Variants in RANBP2 observed in about 807,000 individuals in gnomAD.
RANBP2 encodes E3 SUMO-protein ligase RanBP2.
Under a neutral mutation model 303.6 loss-of-function variants are expected in RANBP2, and 57 were observed. That is an observed-to-expected ratio of 0.19 (90% CI 0.15 to 0.23). The LOEUF (loss-of-function observed/expected upper bound fraction) is 0.23, where lower values mean the gene tolerates loss of function less well. Among genes scored for constraint, RANBP2 ranks in the 10% least tolerant of loss-of-function variants. The pLI is 1.00. For synonymous variants in RANBP2, 1,167 were observed against 1,301.5 expected (o/e 0.90, Z 2.23); for missense variants, 3,138 against 3,780.8 (o/e 0.83, Z 4.46).
chr2:109,069,524 C>G, the RANBP2 span, among the ~76,000 whole-genome samples: 1 of 152,210 alleles, frequency 6.6e-6, no homozygotes, highest in African/African-American at 2.4e-5. Context: ...TGACAGATAG[C>G]CTAAGAGCCT....
the RANBP2 span, among the ~76,000 whole-genome samples, chr2:108,897,448 G>A: frequency 2.6e-5 from 4 of 151,994 alleles, no homozygotes; most frequent in Non-Finnish European, 4.4e-5. Flanking sequence ...CCCTGACCCC[G>A]GTAATAGCCC....
chr2:108,731,163 CTT>C (rs1257210951), intron 3 of RANBP2, among the ~76,000 whole-genome samples, 157 bp from the exon 4 acceptor site: 1 of 152,086 alleles, frequency 6.6e-6, no homozygotes, highest in Admixed American at 6.5e-5. Flanking sequence ...TTCCAAGACA[CTT>C]TTATTTTAAC....
chr2:109,684,538 C>T, the RANBP2 span, among the ~76,000 whole-genome samples: 1 of 135,838 alleles, frequency 7.4e-6, no homozygotes, highest in African/African-American at 2.8e-5. Flanking sequence ...TGCACCCGGG[C>T]TTTTTTTTTT....
chr2:108,805,496 T>C, the RANBP2 span, among the ~76,000 whole-genome samples: 97,375 of 151,558 alleles, frequency 0.64, 34,430 homozygotes, highest in East Asian at 0.9. Flanking sequence ...GAGGCTGAGG[T>C]GGGCGGATCA....
the RANBP2 span, among the ~76,000 whole-genome samples, chr2:108,914,120 C>T: frequency 1.3e-5 from 2 of 151,848 alleles, no homozygotes; most frequent in Admixed American, 1.3e-4. Context: ...ATTAGCCAGG[C>T]ATGATGGCGC....
At chr2:109,711,473 T>A in the RANBP2 span, among the ~76,000 whole-genome samples, 11 of 152,206 alleles carry the variant, frequency 7.2e-5, no homozygotes, top group Middle Eastern at 3.4e-3. Context: ...AATAAGCCAC[T>A]CTCTTGTTTC....
At chr2:109,490,686 C>T in the RANBP2 span, 1 of 1,530,606 alleles carries the variant, frequency 6.5e-7, no homozygotes, top group Non-Finnish European at 8.8e-7. Context: ...ATCTGTGTCT[C>T]CAACCCACGA....
chr2:108,942,604 G>A, the RANBP2 span, among the ~76,000 whole-genome samples: 1 of 152,270 alleles, frequency 6.6e-6, no homozygotes, highest in African/African-American at 2.4e-5. Flanking sequence ...TCTGCGCTGA[G>A]TGAGGCCGTG....
chr2:109,506,601 T>C, the RANBP2 span, among the ~76,000 whole-genome samples: 2 of 152,208 alleles, frequency 1.3e-5, no homozygotes, highest in Admixed American at 1.3e-4. Context: ...TTGTCACATA[T>C]GTTATGTCAC....
chr2:109,074,558 G>T, the RANBP2 span, among the ~76,000 whole-genome samples: 1 of 149,624 alleles, frequency 6.7e-6, no homozygotes, highest in East Asian at 1.9e-4. Flanking sequence ...AAAATTAGCA[G>T]GGTGTGGTGG....
At chr2:109,174,816 C>T in the RANBP2 span, among the ~76,000 whole-genome samples, 16 of 152,282 alleles carry the variant, frequency 1.1e-4, no homozygotes, top group East Asian at 3.9e-4. Flanking sequence ...AGGGGCTTAG[C>T]GTGCAAGCTT....
At chr2:109,278,683 A>T in the RANBP2 span, among the ~76,000 whole-genome samples, 5 of 152,184 alleles carry the variant, frequency 3.3e-5, no homozygotes, top group African/African-American at 1.2e-4. Context: ...GCTGAATTTT[A>T]CCTTCTTTGG....
At chr2:109,163,662 G>A in the RANBP2 span, among the ~76,000 whole-genome samples, 1 of 152,054 alleles carries the variant, frequency 6.6e-6, no homozygotes, top group Non-Finnish European at 1.5e-5. Context: ...GCCTCCCAAA[G>A]TGCTGGGATT....
At chr2:109,203,849 G>A in the RANBP2 span, among the ~76,000 whole-genome samples, 3 of 152,192 alleles carry the variant, frequency 2.0e-5, 1 homozygote, top group South Asian at 4.1e-4. Context: ...TGGGTGCCTC[G>A]CTACCTACCC....
At chr2:109,742,877 A>C in the RANBP2 span, among the ~76,000 whole-genome samples, 1 of 148,810 alleles carries the variant, frequency 6.7e-6, no homozygotes, top group African/African-American at 2.5e-5. Context: ...TTGAAAGCCC[A>C]AAAATAGATG....
At chr2:109,388,014 T>C in the RANBP2 span, among the ~76,000 whole-genome samples, 1 of 152,154 alleles carries the variant, frequency 6.6e-6, no homozygotes. Flanking sequence ...CGACAGAAGC[T>C]TTGTGTCCAT....
chr2:109,089,142 A>T, the RANBP2 span, among the ~76,000 whole-genome samples: 1 of 152,150 alleles, frequency 6.6e-6, no homozygotes, highest in African/African-American at 2.4e-5. Flanking sequence ...GGCAAACAAG[A>T]ACGCTTCCTT....
the RANBP2 span, among the ~76,000 whole-genome samples, chr2:108,944,788 G>A: frequency 6.6e-6 from 1 of 152,180 alleles, no homozygotes; most frequent in Non-Finnish European, 1.5e-5. Flanking sequence ...AGGTCACAGA[G>A]TCAAGGGAGA....
At chr2:109,097,629 A>G in the RANBP2 span, among the ~76,000 whole-genome samples, 2 of 74,284 alleles carry the variant, frequency 2.7e-5, no homozygotes, top group South Asian at 5.4e-4. Flanking sequence ...GGTCCATTAT[A>G]GTCTTTTTTT....
Sources: allele counts gnomAD v4.1 joint callset (sites outside exome capture counted in the v4.1 genomes callset), GRCh38; gene constraint gnomAD v4.1.1; transcripts MANE v1.5; gene names NCBI Gene and HGNC (gene_info 2026-07-23, HGNC 2026-07-21).